The following TBXAS1 variants were observed in gnomAD, a reference collection of about 807,000 sequenced individuals.
TBXAS1 encodes thromboxane A synthase 1.
Under a neutral mutation model 60.7 loss-of-function variants are expected in TBXAS1, and 48 were observed. The observed-to-expected ratio is 0.79, with a 90% confidence interval of 0.63 to 1.01. The LOEUF (loss-of-function observed/expected upper bound fraction) is 1.01. Among genes scored for constraint, TBXAS1 ranks in the 50% least tolerant of loss-of-function variants. The probability of loss-of-function intolerance (pLI) is 0.00; values close to 1 mark genes in which losing one functional copy is unlikely to be tolerated. For missense variants in TBXAS1, 685 were observed against 686.3 expected, an observed-to-expected ratio of 1.00 and a Z score of 0.02; for synonymous variants, 287 against 269.7, an observed-to-expected ratio of 1.06 and a Z score of -0.63.
At chr7:139,993,648 G>T (rs371815545) in intron 9 of TBXAS1, among the ~76,000 whole-genome samples, 33 of 152,256 alleles carry the variant, frequency 2.2e-4, no homozygotes, top group Middle Eastern at 3.4e-3. Flanking sequence ...CTAGCTATGG[G>T]ATGCCTAGTT....
At chr7:139,964,211 G>T (rs1442252307) in intron 9 of TBXAS1, among the ~76,000 whole-genome samples, 1 of 152,022 alleles carries the variant, frequency 6.6e-6, no homozygotes, top group Non-Finnish European at 1.5e-5. Context: ...TCAGCCTCCC[G>T]AGTTGCTGGC....
At chr7:139,871,611 G>A (rs1295114126) in intron 1 of TBXAS1, among the ~76,000 whole-genome samples, 1 of 152,110 alleles carries the variant, frequency 6.6e-6, no homozygotes, top group Non-Finnish European at 1.5e-5. Context: ...CTGATTTTTG[G>A]TTAAGAAAAT....
chr7:139,914,531 T>C (rs1015133270), intron 4 of TBXAS1, among the ~76,000 whole-genome samples: 5 of 152,170 alleles, frequency 3.3e-5, no homozygotes, highest in Admixed American at 2.0e-4. Context: ...CATGGGATCA[T>C]GCATATAACC....
At chr7:139,856,184 G>A (rs1800570982) in intron 1 of TBXAS1, among the ~76,000 whole-genome samples, 1 of 152,226 alleles carries the variant, frequency 6.6e-6, no homozygotes, top group African/African-American at 2.4e-5. Context: ...CAGACAGAGA[G>A]ACAGAAATGG....
At chr7:139,951,958 GAAAGAAAGAAAGAAAGAA>G in intron 5 of TBXAS1, among the ~76,000 whole-genome samples, 1 of 95,160 alleles carries the variant, frequency 1.1e-5, no homozygotes, top group African/African-American at 4.4e-5. Flanking sequence ...AGAAAAGAAA[GAAAGAAAGAAAGAAAGAA>G]AGAAAGAAAG....
intron 9 of TBXAS1, among the ~76,000 whole-genome samples, chr7:139,993,340 T>A (rs891501484): frequency 2.0e-5 from 3 of 152,156 alleles, no homozygotes. Flanking sequence ...GACTCACACA[T>A]TCAGTCCATT....
chr7:139,872,355 A>G (rs1048229245), intron 2 of TBXAS1, 27 bp downstream of exon 2: 3 of 1,604,646 alleles, frequency 1.9e-6, no homozygotes, highest in Admixed American at 1.7e-5. Flanking sequence ...ATTGGCTTCC[A>G]TCATAAAATA....
intron 3 of TBXAS1, among the ~76,000 whole-genome samples, chr7:139,900,088 T>G (rs1804449487): frequency 6.6e-6 from 1 of 152,204 alleles, no homozygotes; most frequent in Non-Finnish European, 1.5e-5. Flanking sequence ...TGCTAACGAT[T>G]GTTGTTAATC....
chr7:139,790,917 C>T (rs1351663051), intron 4 of TBXAS1, among the ~76,000 whole-genome samples: 1 of 152,186 alleles, frequency 6.6e-6, no homozygotes, highest in Non-Finnish European at 1.5e-5. Flanking sequence ...ATCCTGCCAC[C>T]TCAGCCTCCT....
intron 7 of TBXAS1, 105 bp from the exon 8 acceptor site, chr7:139,957,529 C>A (rs3735355): frequency 0.093 from 141,495 of 1,516,642 alleles, 7,759 homozygotes; most frequent in East Asian, 0.23. Flanking sequence ...GACTCCAAAA[C>A]GGCTCCGATT....
At chr7:139,841,495 T>C (rs1799446446) in intron 1 of TBXAS1, among the ~76,000 whole-genome samples, 1 of 149,232 alleles carries the variant, frequency 6.7e-6, no homozygotes, top group Non-Finnish European at 1.5e-5. Flanking sequence ...TTTTTTTTTT[T>C]TATCTTTTTG....
chr7:139,911,290 T>A lies in TBXAS1; in HGVS notation c.302T>A (p.Val101Asp), dbSNP rs370871916. Residue 101 changes from valine (V) to aspartate (D), a missense_variant, in exon 4 of 13, where the codon GTT becomes GAT. Transcript: ENST00000448866. ...SEPDMIKQVL[V>D]ENFSNFTNRM... ...CCAGACATGATCAAGCAGGTGTTGGTTGAGAACTTCAGTAACTTTACCAAC... is the reference window on the plus strand; with the variant it reads ...CCAGACATGATCAAGCAGGTGTTGGATGAGAACTTCAGTAACTTTACCAAC... The A allele has an allele frequency of 4.6e-5, 74 of 1,614,082 alleles. No individual in the cohort carries two copies. The highest frequency in any genetic ancestry group is 6.1e-5 in the Non-Finnish European group (72 of 1,180,034).
At chr7:139,814,514 T>C (rs1164415767) in intron 4 of TBXAS1, among the ~76,000 whole-genome samples, 3 of 152,126 alleles carry the variant, frequency 2.0e-5, no homozygotes, top group African/African-American at 7.2e-5. Context: ...AGGTGGTTGT[T>C]GCCATTGGAG....
chr7:139,960,761 C>T (rs902187907), intron 8 of TBXAS1, among the ~76,000 whole-genome samples: 7 of 151,484 alleles, frequency 4.6e-5, no homozygotes, highest in Admixed American at 6.6e-5. Context: ...TGAAATCAGA[C>T]GCTCATGTGT....
intron 9 of TBXAS1, among the ~76,000 whole-genome samples, chr7:139,993,977 A>G (rs1377939446): frequency 7.4e-6 from 1 of 134,960 alleles, no homozygotes; most frequent in African/African-American, 2.9e-5. Context: ...TTTGCCTCCC[A>G]GGTTCAAGTG....
Position 140,002,557 on chromosome 7 carries a change from C to T in TBXAS1, c.1135-4534C>T, listed in dbSNP as rs375462332. 7.0e-4 allele frequency among the ~76,000 whole-genome samples: 107 copies of T among 152,292 alleles called. 2 individuals carry two copies. The East Asian group carries it at 0.015, about 22-fold the overall frequency. On this transcript the variant is annotated intron_variant, in intron 9 of 12. Coordinates refer to ENST00000448866, the MANE Select transcript of TBXAS1 (RefSeq NM_001061.7). ...AGCCAGCAACTGCTGGGTGGACCAG[C>T]CAGTGAGTGGGATAGGGACTTGAGT...
At chr7:139,904,798 T>C (rs1804843532) in intron 3 of TBXAS1, among the ~76,000 whole-genome samples, 1 of 152,200 alleles carries the variant, frequency 6.6e-6, no homozygotes, top group Admixed American at 6.5e-5. Context: ...ATTAATCTTG[T>C]ATCTGGAAAC....
At chr7:139,823,487 C>T (rs764555247) in intron 4 of TBXAS1, among the ~76,000 whole-genome samples, 11 of 152,158 alleles carry the variant, frequency 7.2e-5, no homozygotes, top group Non-Finnish European at 1.2e-4. Context: ...TGGGGGTAGC[C>T]AAGGTTTTCA....
At chr7:139,974,695 A>G (rs146495815) in intron 9 of TBXAS1, among the ~76,000 whole-genome samples, 2 of 152,356 alleles carry the variant, frequency 1.3e-5, no homozygotes, top group African/African-American at 4.8e-5. Flanking sequence ...AGCATTACGT[A>G]CATATAGCTA....
Sources: allele counts gnomAD v4.1 joint callset (sites outside exome capture counted in the v4.1 genomes callset), GRCh38; gene constraint gnomAD v4.1.1; transcripts MANE v1.5; gene names NCBI Gene and HGNC (gene_info 2026-07-23, HGNC 2026-07-21).